The following ERMP1 variants were observed in gnomAD, a reference collection of about 807,000 sequenced individuals.
ERMP1 encodes the protein Felix-ina.
ERMP1 carries 86 observed loss-of-function variants against 92.0 expected under a neutral mutation model. The ratio of observed to expected loss-of-function variants is 0.93; its 90% CI spans 0.79 to 1.12. ERMP1 has a LOEUF of 1.12. ERMP1 is among the 50% of genes most tolerant of loss of function. The probability of loss-of-function intolerance (pLI) is 0.00; values close to 1 mark genes in which losing one functional copy is unlikely to be tolerated. For missense variants in ERMP1, 1,342 were observed against 1,116.3 expected, an observed-to-expected ratio of 1.20 and a Z score of -2.88; for synonymous variants, 530 against 412.8, an observed-to-expected ratio of 1.28 and a Z score of -3.44.
intron 5 of ERMP1, among the ~76,000 whole-genome samples, chr9:5,863,442 G>T (rs1454101861): frequency 2.0e-5 from 3 of 152,078 alleles, no homozygotes; most frequent in African/African-American, 7.2e-5. Flanking sequence ...GTTTTACTGA[G>T]GTAAGAAAAT....
intron 5 of ERMP1, among the ~76,000 whole-genome samples, chr9:5,865,439 C>T (rs1196796140): frequency 1.3e-5 from 2 of 150,784 alleles, no homozygotes; most frequent in Non-Finnish European, 3.0e-5. Flanking sequence ...GCCCGGGAGG[C>T]GGAGCTTGCA....
At chr9:5,816,621 A>T (rs1365800656) in intron 4 of ERMP1, among the ~76,000 whole-genome samples, 6 of 152,192 alleles carry the variant, frequency 3.9e-5, no homozygotes, top group Non-Finnish European at 8.8e-5. Flanking sequence ...TTCCACTCAG[A>T]AATGTGCATA....
chr9:5,843,535 T>C (rs569668726), intron 6 of ERMP1, among the ~76,000 whole-genome samples: 2 of 152,128 alleles, frequency 1.3e-5, no homozygotes, highest in Non-Finnish European at 2.9e-5. Flanking sequence ...ATCTCCAGAT[T>C]TGGGGGAAAG....
At chr9:5,822,952 A>C (rs1829596431) in intron 4 of ERMP1, among the ~76,000 whole-genome samples, 1 of 152,170 alleles carries the variant, frequency 6.6e-6, no homozygotes, top group South Asian at 2.1e-4. Context: ...TAAATAGGCT[A>C]AGTTGATATC....
intron 5 of ERMP1, 44 bp from the exon 6 acceptor site, chr9:5,812,261 G>C (rs1228785151): frequency 2.5e-6 from 3 of 1,190,260 alleles, no homozygotes; most frequent in Non-Finnish European, 3.6e-6. Flanking sequence ...TTGCTTTAAA[G>C]ATCAACCTTG....
At chr9:5,847,865 A>G (rs1005383650) in intron 6 of ERMP1, among the ~76,000 whole-genome samples, 1 of 151,702 alleles carries the variant, frequency 6.6e-6, no homozygotes, top group African/African-American at 2.4e-5. Flanking sequence ...GCTGTACTCC[A>G]GCCCGGGCGA....
intron 10 of ERMP1, 52 bp from the exon 11 acceptor site, chr9:5,801,380 G>T (rs1554621547): frequency 2.6e-6 from 4 of 1,558,370 alleles, no homozygotes. Flanking sequence ...TCTAGTGGTG[G>T]AAAGGTGTTT....
At position 5,817,316 on chromosome 9, in the gene ERMP1, A is replaced by C. The variant is rs112376813; in HGVS notation, c.875-4281T>G. Among the ~76,000 whole-genome samples the C allele has an allele frequency of 6.9e-3, 1,057 of 152,124 alleles. 16 individuals carry two copies. Among genetic ancestry groups the C allele is most frequent in the African/African-American group, 0.024 (996 of 41,514 alleles). ...GCGATTCTCCTGCCTCAGCCTCCCA[A>C]GTAGCTGGGATTACAAGCGCCCGCC... is the stretch of plus-strand genomic sequence containing the variant. On this transcript the variant is annotated intron_variant, in intron 4 of 14. Coordinates refer to ENST00000339450, the MANE Select transcript of ERMP1 (RefSeq NM_024896.3).
chr9:5,808,395 C>A (rs575635099), intron 8 of ERMP1, among the ~76,000 whole-genome samples: 1 of 152,182 alleles, frequency 6.6e-6, no homozygotes, highest in African/African-American at 2.4e-5. Flanking sequence ...CTTTTGGGAA[C>A]TGAAGCCACT....
intron 1 of ERMP1, 30 bp from the exon 2 acceptor site, chr9:5,831,058 T>A (rs1409103061): frequency 6.3e-7 from 1 of 1,579,624 alleles, no homozygotes; most frequent in East Asian, 2.3e-5. Flanking sequence ...TAACAAAGGT[T>A]TGTAGTTAAA....
intron 9 of ERMP1, 59 bp downstream of exon 9, chr9:5,805,552 G>C: frequency 7.0e-7 from 1 of 1,423,492 alleles, no homozygotes; most frequent in Non-Finnish European, 9.3e-7. Context: ...AAGAGTCCCT[G>C]AAAGCCTTAA....
intron 6 of ERMP1, among the ~76,000 whole-genome samples, chr9:5,840,514 C>T (rs1056650085): frequency 6.6e-6 from 1 of 152,214 alleles, no homozygotes; most frequent in Non-Finnish European, 1.5e-5. Context: ...CCTCCCTACC[C>T]ATGCCCACTG....
At chr9:5,804,165 G>C (rs1828780954) in intron 10 of ERMP1, among the ~76,000 whole-genome samples, 1 of 152,002 alleles carries the variant, frequency 6.6e-6, no homozygotes. Context: ...TTTCCTGTTT[G>C]GTTCCCTATC....
At chr9:5,827,644 G>A (rs895455785) in intron 2 of ERMP1, among the ~76,000 whole-genome samples, 20 of 150,060 alleles carry the variant, frequency 1.3e-4, no homozygotes, top group Admixed American at 6.0e-4. Context: ...GGCAGATCAC[G>A]AGGTCAGGAG....
At chr9:5,816,251 GAAC>G (rs1191712106) in intron 4 of ERMP1, among the ~76,000 whole-genome samples, 5 of 152,058 alleles carry the variant, frequency 3.3e-5, no homozygotes, top group South Asian at 2.1e-4. Context: ...GACATTAATG[GAAC>G]AACTGGAAAA....
chr9:5,794,141 G>C (rs1419770606), intron 13 of ERMP1, among the ~76,000 whole-genome samples: 1 of 151,976 alleles, frequency 6.6e-6, no homozygotes, highest in African/African-American at 2.4e-5. Flanking sequence ...CAGAAAAATA[G>C]CTGAAAAATC....
chr9:5,865,033 C>T (rs1185803196), intron 5 of ERMP1, among the ~76,000 whole-genome samples: 1 of 152,056 alleles, frequency 6.6e-6, no homozygotes, highest in Admixed American at 6.5e-5. Context: ...TTTTGCAACA[C>T]AATTGGCCAA....
At chr9:5,816,574 C>T (rs1563763416) in intron 4 of ERMP1, among the ~76,000 whole-genome samples, 2 of 152,110 alleles carry the variant, frequency 1.3e-5, no homozygotes, top group Non-Finnish European at 1.5e-5. Context: ...AAAATATCTA[C>T]CAAAGCTGAA....
intron 6 of ERMP1, among the ~76,000 whole-genome samples, chr9:5,851,049 C>T (rs1563782385): frequency 1.3e-5 from 2 of 152,218 alleles, no homozygotes; most frequent in Non-Finnish European, 2.9e-5. Flanking sequence ...CACTGTGTTC[C>T]CTCTTTTAGA....
Sources: allele counts gnomAD v4.1 joint callset (sites outside exome capture counted in the v4.1 genomes callset), GRCh38; gene constraint gnomAD v4.1.1; transcripts MANE v1.5; gene names NCBI Gene and HGNC (gene_info 2026-07-23, HGNC 2026-07-21).